Variants in KIF13A observed in about 807,000 individuals in gnomAD.
KIF13A encodes kinesin-like protein KIF13A.
Under a neutral mutation model 212.2 loss-of-function variants are expected in KIF13A, and 79 were observed. The observed-to-expected ratio is 0.37, with a 90% CI of 0.31 to 0.45. The LOEUF (loss-of-function observed/expected upper bound fraction) is 0.45. KIF13A is among the 20% of genes least tolerant of loss of function. The probability of loss-of-function intolerance (pLI) is 1.00; values close to 1 mark genes in which losing one functional copy is unlikely to be tolerated. For synonymous variants in KIF13A, 789 were observed against 808.6 expected (o/e 0.98, Z 0.41); for missense variants, 1,901 against 2,209.0 (o/e 0.86, Z 2.79).
At chr6:17,928,281 G>C (rs1775674606) in intron 2 of KIF13A, among the ~76,000 whole-genome samples, 1 of 152,068 alleles carries the variant, frequency 6.6e-6, no homozygotes, top group South Asian at 2.1e-4. Context: ...ATATTTTTGG[G>C]GTTTATTTTC....
At chr6:17,929,939 C>T (rs755328149) in intron 2 of KIF13A, among the ~76,000 whole-genome samples, 1 of 152,184 alleles carries the variant, frequency 6.6e-6, no homozygotes, top group Non-Finnish European at 1.5e-5. Context: ...CACAACCAGA[C>T]AACAGTCAAC....
intron 2 of KIF13A, among the ~76,000 whole-genome samples, chr6:17,973,972 TA>T (rs1432151898): frequency 2.0e-5 from 3 of 152,230 alleles, no homozygotes; most frequent in African/African-American, 7.2e-5. Context: ...TGCATTTAGA[TA>T]AGTTAGGTAA....
chr6:17,973,027 G>T (rs777323949), intron 2 of KIF13A, among the ~76,000 whole-genome samples: 16 of 152,134 alleles, frequency 1.1e-4, no homozygotes, highest in Non-Finnish European at 2.2e-4. Context: ...CAGAGACACA[G>T]ACACACTAAC....
Position 17,831,085 on chromosome 6 carries a change from TTA to T in KIF13A, c.1401+14_1401+15del, listed in dbSNP as rs1278661066. The T allele has an allele frequency of 6.2e-7, 1 of 1,605,798 alleles. No individual in the cohort carries two copies. Among genetic ancestry groups the T allele is most frequent in the Non-Finnish European group, 8.5e-7 (1 of 1,176,258 alleles). Reference sequence around the variant, plus strand: ...GAATGAATCTTGATTGCATATGTATTTATATGTTCTCCTACCTTTAAATAATA... The same window carrying T: ...GAATGAATCTTGATTGCATATGTATTTATGTTCTCCTACCTTTAAATAATA... On this transcript the variant is annotated intron_variant, in intron 13 of 38. Coordinates refer to ENST00000259711, the MANE Select transcript of KIF13A (RefSeq NM_022113.6).
chr6:17,832,465 T>C (rs1166683478), intron 12 of KIF13A, among the ~76,000 whole-genome samples: 1 of 151,024 alleles, frequency 6.6e-6, no homozygotes, highest in Non-Finnish European at 1.5e-5. Context: ...GGTGAATCCC[T>C]GACTCTACCA....
intron 25 of KIF13A, among the ~76,000 whole-genome samples, chr6:17,793,163 C>G (rs1292981582): frequency 1.3e-5 from 2 of 152,126 alleles, no homozygotes; most frequent in Non-Finnish European, 2.9e-5. Flanking sequence ...CACTTGCAGC[C>G]TCTGCCTCCT....
At chr6:17,792,080 G>T (rs757567927) in intron 25 of KIF13A, among the ~76,000 whole-genome samples, 5 of 149,106 alleles carry the variant, frequency 3.4e-5, no homozygotes, top group African/African-American at 1.2e-4. Context: ...GCAGGTGCCC[G>T]TAATCCCAGC....
downstream of KIF13A, among the ~76,000 whole-genome samples, chr6:17,762,858 C>T (rs531632499): frequency 2.6e-5 from 4 of 152,238 alleles, no homozygotes; most frequent in Non-Finnish European, 5.9e-5. Context: ...GTATAAATGA[C>T]CATACATTGA....
downstream of KIF13A, chr6:17,760,234 T>C (rs532489021): frequency 6.7e-6 from 1 of 148,488 alleles, no homozygotes; most frequent in South Asian, 2.1e-4. Context: ...AAGAACAGCA[T>C]TCTATAACCT....
At position 17,849,566 on chromosome 6, in the gene KIF13A, T is replaced by C. The variant is rs1173371763; in HGVS notation, c.718-77A>G. 4 of 1,011,940 alleles carry C rather than the reference T, an allele frequency of 4.0e-6. No individual in the cohort carries two copies. The highest frequency in any genetic ancestry group is 4.5e-6 in the Non-Finnish European group (3 of 673,688). The allele number at this position is 1,011,940 out of a possible 1,614,324, so 62.7% of individuals were successfully genotyped here. ...TGGATATCTACATATATGTTAGCAC[T>C]ATAATTGAGCAATCCATCCCACTCT... On this transcript the variant is annotated intron_variant, in intron 8 of 38. Coordinates refer to ENST00000259711, the MANE Select transcript of KIF13A (RefSeq NM_022113.6). The surrounding 1 kb of genome is among the most constrained non-coding windows in gnomAD (Gnocchi z 5.7).
At chr6:17,857,310 A>C (rs1768237030) in intron 4 of KIF13A, among the ~76,000 whole-genome samples, 1 of 152,178 alleles carries the variant, frequency 6.6e-6, no homozygotes, top group Non-Finnish European at 1.5e-5. Flanking sequence ...CCCACGTGTC[A>C]AGGGAGGGAC....
chr6:17,935,684 A>G (rs1776394044), intron 2 of KIF13A, among the ~76,000 whole-genome samples: 1 of 152,230 alleles, frequency 6.6e-6, no homozygotes, highest in Non-Finnish European at 1.5e-5. Flanking sequence ...TACCCTTGAC[A>G]GTCTCATAAA....
At position 17,898,684 on chromosome 6, in the gene KIF13A, T is replaced by A. The variant is rs1014536; in HGVS notation, c.147-504A>T. 0.69 allele frequency among the ~76,000 whole-genome samples: 104,447 copies of A among 151,898 alleles called. 37,015 individuals are homozygous for A. The highest frequency in any genetic ancestry group is 0.78 in the Non-Finnish European group (53,162 of 67,958). ...AACCATGGTTTTAAATAACTCATAT[T>A]TTTTAACACTGAATAGACATTTAAA... On this transcript the variant is annotated intron_variant, in intron 2 of 38. Coordinates refer to ENST00000259711, the MANE Select transcript of KIF13A (RefSeq NM_022113.6). The surrounding 1 kb of genome is among the most constrained non-coding windows in gnomAD (Gnocchi z 5.2).
In KIF13A at chr6:17,783,731, C is replaced by A. The variant is rs1207806428; in HGVS notation, c.3489-30G>T. 9 of 1,401,072 alleles carry A rather than the reference C, an allele frequency of 6.4e-6. No individual in the cohort carries two copies. The highest frequency in any genetic ancestry group is 8.9e-6 in the Non-Finnish European group (9 of 1,008,200). 86.8% of individuals were successfully genotyped at this position (1,401,072 alleles called of 1,614,324 possible). A position where few individuals can be genotyped will look rare whatever the true frequency, so the allele number is the denominator to read the frequency against. ...ATTTAATAACAACATTTAATCATAA[C>A]AAAATATGTATTTTACATCTTGTTA... On this transcript the variant is annotated intron_variant, in intron 28 of 38. Coordinates refer to ENST00000259711, the MANE Select transcript of KIF13A (RefSeq NM_022113.6). The surrounding 1 kb of genome is among the most constrained non-coding windows in gnomAD (Gnocchi z 4.3).
intron 3 of KIF13A, among the ~76,000 whole-genome samples, chr6:17,882,899 C>A (rs1252491552): frequency 6.6e-6 from 1 of 152,128 alleles, no homozygotes; most frequent in African/African-American, 2.4e-5. Context: ...TTCTCATTAT[C>A]CTGAATTTCC....
chr6:17,815,765 C>T (rs1763876666), intron 17 of KIF13A: 1 of 180,008 alleles, frequency 5.6e-6, no homozygotes, highest in Non-Finnish European at 1.2e-5. Context: ...TATATATTAG[C>T]TTTATTATAC....
In KIF13A at chr6:17,809,663, G is replaced by A. The variant is rs148099614; in HGVS notation, c.2001-733C>T. Among the ~76,000 whole-genome samples the A allele has an allele frequency of 4.1e-3, 617 of 152,210 alleles. 7 individuals are homozygous for A. The highest frequency in any genetic ancestry group is 0.014 in the African/African-American group (565 of 41,516). On this transcript the variant is annotated intron_variant, in intron 17 of 38. Transcript: ENST00000259711. The surrounding 1 kb of genome is among the most constrained non-coding windows in gnomAD (Gnocchi z 4.7). ...CTCCTGGCCAAGTGCATGACCCATC[G>A]TAGGATATTCAAAAAAGACCCACTG... is the stretch of plus-strand genomic sequence containing the variant.
intron 3 of KIF13A, 117 bp from the exon 4 acceptor site, chr6:17,873,554 A>T (rs1379555971): frequency 2.8e-6 from 2 of 703,996 alleles, no homozygotes; most frequent in East Asian, 5.7e-5. Context: ...CTGACTGAAA[A>T]AAATCACTAT....
chr6:17,801,707 A>T (rs1581345064), intron 20 of KIF13A, among the ~76,000 whole-genome samples: 3 of 152,296 alleles, frequency 2.0e-5, no homozygotes, highest in East Asian at 1.9e-4. Context: ...GGGCTCGCGC[A>T]GCTTTTATTC....
Sources: allele counts gnomAD v4.1 joint callset (sites outside exome capture counted in the v4.1 genomes callset), GRCh38; gene constraint gnomAD v4.1.1; non-coding constraint Gnocchi (gnomAD v3.1); transcripts MANE v1.5; gene names NCBI Gene and HGNC (gene_info 2026-07-23, HGNC 2026-07-21).